The following CGNL1 variants were observed in gnomAD, a reference collection of about 807,000 sequenced individuals.
CGNL1 encodes cingulin-like protein 1.
CGNL1 carries 132 observed loss-of-function variants against 141.2 expected under a neutral mutation model. The ratio of observed to expected loss-of-function variants is 0.93; its 90% CI spans 0.81 to 1.08. The LOEUF (loss-of-function observed/expected upper bound fraction) is 1.08. Ranked by LOEUF, CGNL1 falls within the 50% of genes least tolerant of loss-of-function variation. The pLI, the probability that CGNL1 is intolerant of heterozygous loss-of-function variation, is 0.00. For synonymous variants in CGNL1, 690 were observed against 622.1 expected (o/e 1.11, Z -1.63); for missense variants, 1,870 against 1,588.6 (o/e 1.18, Z -3.01).
chr15:57,399,111 T>C (rs1177440339), intron 1 of CGNL1, among the ~76,000 whole-genome samples: 2 of 152,136 alleles, frequency 1.3e-5, no homozygotes, highest in Admixed American at 1.3e-4. Context: ...GTGGAGGAGG[T>C]AATAAGATAG....
intron 7 of CGNL1, among the ~76,000 whole-genome samples, chr15:57,454,478 C>T (rs1480924360): frequency 3.9e-5 from 6 of 152,188 alleles, no homozygotes; most frequent in African/African-American, 1.4e-4. Flanking sequence ...TTCTGTCACT[C>T]CTTTCCTCCT....
rs114514077 is a variant in CGNL1, at chr15:57,487,924, G to C, written c.2403+26032G>C. Among the ~76,000 whole-genome samples, 385 of 152,272 alleles carry C rather than the reference G, an allele frequency of 2.5e-3. 4 individuals carry two copies. Among genetic ancestry groups the C allele is most frequent in the African/African-American group, 9.0e-3 (375 of 41,554 alleles). ...GGACGGACGTTTTCATTTCTTTGGC[G>C]TGTATACCTGGGAGTAGAGTTGCTG... On this transcript the variant is annotated intron_variant, in intron 8 of 18. Coordinates refer to ENST00000281282, the MANE Select transcript of CGNL1 (RefSeq NM_032866.5).
At chr15:57,449,827 T>C (rs1364215315) in intron 4 of CGNL1, among the ~76,000 whole-genome samples, 1 of 152,206 alleles carries the variant, frequency 6.6e-6, no homozygotes, top group Non-Finnish European at 1.5e-5. Context: ...TATCACCTTT[T>C]CAGTTTGGCT....
In CGNL1 at chr15:57,438,198, A is replaced by G; in HGVS notation, c.199A>G (p.Thr67Ala). ...TAACACAGAACGGTGCCTAGCAGGC[A>G]CATCGTTTTCTGAAAATGGGCCACC... ...LNNTERCLAG[T>A]SFSENGPPFP... Residue 67 changes from threonine (T) to alanine (A), a missense_variant, in exon 2 of 19, where the codon ACA becomes GCA. Physicochemically the swap from Thr to Ala is moderately conservative, Grantham distance 58 (BLOSUM62 0). Coordinates refer to ENST00000281282, the MANE Select transcript of CGNL1 (RefSeq NM_032866.5). 6.2e-7 allele frequency: 1 copy of G among 1,614,194 alleles called. No individual in the cohort carries two copies. The highest frequency in any genetic ancestry group is 1.7e-5 in the Admixed American group (1 of 60,032).
At chr15:57,404,015 G>T (rs770829546) in intron 1 of CGNL1, among the ~76,000 whole-genome samples, 1 of 152,250 alleles carries the variant, frequency 6.6e-6, no homozygotes, top group African/African-American at 2.4e-5. Flanking sequence ...TTGAGCTAGT[G>T]CTGGGTGTCA....
intron 8 of CGNL1, among the ~76,000 whole-genome samples, chr15:57,502,675 G>A (rs2064042467): frequency 6.6e-6 from 1 of 152,184 alleles, no homozygotes; most frequent in African/African-American, 2.4e-5. Flanking sequence ...CCTGTCTTCA[G>A]GCAGTGATTA....
intron 8 of CGNL1, among the ~76,000 whole-genome samples, chr15:57,492,809 G>A (rs17239742): frequency 0.023 from 3,504 of 152,278 alleles, 47 homozygotes; most frequent in Non-Finnish European, 0.033. Context: ...GGGGACCCAT[G>A]AGCAGAGAGA....
chr15:57,539,321 A>T (rs2032436380), intron 14 of CGNL1, among the ~76,000 whole-genome samples: 1 of 151,468 alleles, frequency 6.6e-6, no homozygotes, highest in African/African-American at 2.4e-5. Context: ...GCCCTGGAGG[A>T]TCCTCTTCCT....
At chr15:57,504,555 C>G (rs2064074085) in intron 8 of CGNL1, among the ~76,000 whole-genome samples, 1 of 152,234 alleles carries the variant, frequency 6.6e-6, no homozygotes, top group Non-Finnish European at 1.5e-5. Context: ...CTCCAAAGCT[C>G]TGTAGCTTAA....
chr15:57,474,677 T>A (rs1309387417), intron 8 of CGNL1, among the ~76,000 whole-genome samples: 1 of 152,250 alleles, frequency 6.6e-6, no homozygotes, highest in East Asian at 1.9e-4. Flanking sequence ...AAAGGGATAC[T>A]ATTTGTGTTA....
chr15:57,531,265 C>A (rs1207518887), intron 13 of CGNL1, among the ~76,000 whole-genome samples: 1 of 152,200 alleles, frequency 6.6e-6, no homozygotes, highest in Non-Finnish European at 1.5e-5. Flanking sequence ...TTGACTCCTG[C>A]AAGGCTCTTG....
At chr15:57,380,221 A>G (rs1463258011) in intron 1 of CGNL1, among the ~76,000 whole-genome samples, 2 of 152,036 alleles carry the variant, frequency 1.3e-5, no homozygotes, top group African/African-American at 4.8e-5. Flanking sequence ...TTTAGTAGAG[A>G]TGGGGTTTCA....
At chr15:57,485,826 G>C (rs1317906943) in intron 8 of CGNL1, among the ~76,000 whole-genome samples, 1 of 152,178 alleles carries the variant, frequency 6.6e-6, no homozygotes, top group Non-Finnish European at 1.5e-5. Context: ...AGAATGTCCT[G>C]TATGCCATTC....
intron 8 of CGNL1, among the ~76,000 whole-genome samples, chr15:57,515,238 A>G (rs1314883876): frequency 3.9e-5 from 6 of 152,200 alleles, no homozygotes; most frequent in Non-Finnish European, 5.9e-5. Flanking sequence ...TCTCCTAGCA[A>G]CGCCAGCTAA....
chr15:57,546,355 T>G, intron 18 of CGNL1, 116 bp downstream of exon 18: 1 of 1,282,862 alleles, frequency 7.8e-7, no homozygotes, highest in Non-Finnish European at 1.1e-6. Flanking sequence ...TTGTTGCTTT[T>G]GGGGTTATCG....
intron 8 of CGNL1, among the ~76,000 whole-genome samples, chr15:57,488,487 C>T (rs1246684389): frequency 6.6e-6 from 1 of 152,208 alleles, no homozygotes; most frequent in Admixed American, 6.5e-5. Flanking sequence ...AAGACCTTCT[C>T]TTCTTCTGCA....
intron 18 of CGNL1, among the ~76,000 whole-genome samples, chr15:57,546,565 T>C (rs1255474757): frequency 6.6e-6 from 1 of 152,136 alleles, no homozygotes; most frequent in Non-Finnish European, 1.5e-5. Context: ...TCCTGGGCCA[T>C]CCTGGGCTTT....
At position 57,438,292 on chromosome 15, in the gene CGNL1, G is replaced by A. The variant is rs750288593; in HGVS notation, c.293G>A (p.Ser98Asn). ...AATGGTTCTGTGCCAAAGGAGAACA[G>A]TGAAGAACTTCAGCTTCCAGAAAAC... ...SSNGSVPKEN[S>N]EELQLPENPY... Residue 98 changes from serine to asparagine, a missense_variant, in exon 2 of 19, where the codon AGT becomes AAT. Transcript: ENST00000281282. The A allele has an allele frequency of 1.9e-6, 3 of 1,614,178 alleles. No individual in the cohort carries two copies. In the South Asian group the frequency reaches 3.3e-5, roughly 18 times the overall value.
In CGNL1 at chr15:57,524,681, A is replaced by C. The variant is rs750030440; in HGVS notation, c.2969A>C (p.Gln990Pro). 7.4e-6 allele frequency: 12 copies of C among 1,614,118 alleles called. No individual in the cohort carries two copies. The highest frequency in any genetic ancestry group is 1.0e-5 in the Non-Finnish European group (12 of 1,180,046). The stretch of plus-strand genomic sequence containing the variant: ...AACCGCAGGGAGCTCGCAGAAATGC[A>C]AAGACAGTTGAAGGAGAAAACGCTG... ...EKNRRELAEM[Q>P]RQLKEKTLEA... Residue 990 changes from glutamine to proline, a missense_variant, in exon 12 of 19, where the codon CAA becomes CCA. Gln to Pro is a moderately conservative substitution (Grantham distance 76). Transcript: ENST00000281282.
Sources: allele counts gnomAD v4.1 joint callset (sites outside exome capture counted in the v4.1 genomes callset), GRCh38; gene constraint gnomAD v4.1.1; transcripts MANE v1.5; gene names NCBI Gene and HGNC (gene_info 2026-07-23, HGNC 2026-07-21).